Variants in USO1 observed in about 807,000 individuals in gnomAD.
The protein encoded by USO1 is USO1 vesicle transport factor, also known as general vesicular transport factor p115.
USO1 carries 57 observed loss-of-function variants against 124.5 expected under a neutral mutation model. That is an observed-to-expected ratio of 0.46 (90% CI 0.37 to 0.57). The LOEUF (loss-of-function observed/expected upper bound fraction) is 0.57. Ranked by LOEUF, USO1 falls within the 20% of genes least tolerant of loss-of-function variation. The probability of loss-of-function intolerance (pLI) is 0.00; values close to 1 mark genes in which losing one functional copy is unlikely to be tolerated. For synonymous variants in USO1, 369 were observed against 362.8 expected (o/e 1.02, Z -0.19); for missense variants, 900 against 1,040.6 (o/e 0.86, Z 1.86).
chr4:75,805,090 A>G (rs2149192912), intron 18 of USO1, 50 bp from the exon 19 acceptor site: 1 of 1,505,960 alleles, frequency 6.6e-7, no homozygotes, highest in Non-Finnish European at 8.9e-7. Context: ...TTCAAAAATG[A>G]AAAACTGAAG....
chr4:75,811,012 C>T (rs966485829), intron 22 of USO1, among the ~76,000 whole-genome samples: 6 of 152,144 alleles, frequency 3.9e-5, no homozygotes, highest in African/African-American at 1.4e-4. Flanking sequence ...GCTGGAATTA[C>T]AGGTGTGAGC....
Position 75,788,522 on chromosome 4 carries a change from A to ATTTTC in USO1, c.996+1345_996+1349dup, listed in dbSNP as rs1274358872. Among the ~76,000 whole-genome samples the ATTTTC allele has an allele frequency of 5.2e-4, 74 of 143,274 alleles. 2 individuals are homozygous for ATTTTC. The South Asian group carries it at 8.8e-3, about 17-fold the overall frequency. The allele number at this position is 143,274 out of a possible 152,430, so 94.0% of individuals were successfully genotyped here. ...TGGTTCATTAACTTTATTTTTCTTA[A>ATTTTC]TTTTCTTTTCTTTTCTTTTCTTTTC... On this transcript the variant is annotated intron_variant, in intron 10 of 23. Coordinates refer to ENST00000514213, the MANE Select transcript of USO1 (RefSeq NM_003715.4).
At chr4:75,806,197 G>T (rs1396862852) in intron 19 of USO1, among the ~76,000 whole-genome samples, 1 of 152,094 alleles carries the variant, frequency 6.6e-6, no homozygotes, top group Non-Finnish European at 1.5e-5. Context: ...TCACCGTGTT[G>T]CCCAAGCTGA....
intron 12 of USO1, among the ~76,000 whole-genome samples, chr4:75,791,018 G>A (rs1722513577): frequency 6.6e-6 from 1 of 152,072 alleles, no homozygotes; most frequent in Admixed American, 6.6e-5. Flanking sequence ...CACTTTTGCT[G>A]TATAACTTCT....
chr4:75,782,820 T>G lies in USO1; in HGVS notation c.817T>G (p.Ser273Ala). The G allele has an allele frequency of 5.6e-6, 9 of 1,607,464 alleles. No homozygotes were observed. Among genetic ancestry groups the G allele is most frequent in the Non-Finnish European group, 6.8e-6 (8 of 1,178,148 alleles). Residue 273 changes from serine to alanine, a missense_variant, in exon 9 of 24, where the codon TCT (serine) becomes GCT (alanine). Coordinates refer to ENST00000514213, the MANE Select transcript of USO1 (RefSeq NM_003715.4). ...FEVGDENSGW[S>A]AQKVTNLHLM... ...AGTTGGAGATGAAAATTCTGGCTGG[T>G]CTGCACAGAAAGTGACCAATCTACA...
intron 7 of USO1, among the ~76,000 whole-genome samples, chr4:75,771,724 C>T (rs1721938690): frequency 6.6e-6 from 1 of 152,174 alleles, no homozygotes; most frequent in African/African-American, 2.4e-5. Flanking sequence ...GCATGATTTG[C>T]TCTGGACTTA....
chr4:75,770,624 A>C, intron 5 of USO1, 85 bp downstream of exon 5: 1 of 1,489,010 alleles, frequency 6.7e-7, no homozygotes, highest in Non-Finnish European at 8.9e-7. Context: ...TAACATGTAT[A>C]TACCTTTAAA....
intron 1 of USO1, among the ~76,000 whole-genome samples, chr4:75,750,795 T>C (rs1268822280): frequency 1.3e-5 from 2 of 152,220 alleles, no homozygotes; most frequent in Non-Finnish European, 2.9e-5. Flanking sequence ...CATTTTTCTT[T>C]TATGAATGTG....
rs368089149 is a variant in USO1 at position 75,812,135 on chromosome 4, C to T, written c.2584-25C>T. On this transcript the variant is annotated intron_variant, in intron 22 of 23. Coordinates refer to ENST00000514213, the MANE Select transcript of USO1 (RefSeq NM_003715.4). ...GAAAGTGAGTGCTAATTTTAGATTC[C>T]TGCCTTTCACCTTTCTTTTCCTAGA... The T allele has an allele frequency of 2.4e-5, 38 of 1,571,596 alleles. No individual in the cohort carries two copies. The African/African-American group carries it at 4.9e-4, about 20-fold the overall frequency.
At chr4:75,813,128 A>T (rs1006033069) in intron 23 of USO1, 78 bp from the exon 24 acceptor site, 12 of 1,394,740 alleles carry the variant, frequency 8.6e-6, no homozygotes, top group East Asian at 5.5e-5. Context: ...AAAAAAAATT[A>T]TCAGTAGTAT....
rs1722474045 is a variant in USO1 at position 75,789,763 on chromosome 4, ATTAT to A, written c.997-384_997-381del. On this transcript the variant is annotated intron_variant, in intron 10 of 23. Transcript: ENST00000514213. The stretch of plus-strand genomic sequence containing the variant: ...AACTCTTTAAATTTGTTCTTTGATT[ATTAT>A]TTTAAAACCTTTTTCTGTTTTTATA... 2.6e-5 allele frequency among the ~76,000 whole-genome samples: 4 copies of A among 152,184 alleles called. No individual in the cohort carries two copies. The South Asian group carries it at 8.3e-4, about 32-fold the overall frequency.
chr4:75,806,637 A>G (rs1723005369), intron 20 of USO1, 65 bp downstream of exon 20: 4 of 1,511,566 alleles, frequency 2.6e-6, no homozygotes, highest in Non-Finnish European at 3.5e-6. Context: ...TAACAGCCCT[A>G]TAGTTTCACA....
At chr4:75,777,503 A>G (rs1306949997) in intron 8 of USO1, among the ~76,000 whole-genome samples, 1 of 152,180 alleles carries the variant, frequency 6.6e-6, no homozygotes, top group Non-Finnish European at 1.5e-5. Flanking sequence ...AAATAAGAAA[A>G]CAATAAGCCA....
intron 10 of USO1, 136 bp from the exon 11 acceptor site, chr4:75,790,014 A>G (rs974405541): frequency 3.1e-6 from 3 of 964,126 alleles, no homozygotes; most frequent in African/African-American, 3.3e-5. Flanking sequence ...AACCTGCACA[A>G]TGTGCACATG....
chr4:75,779,960 G>A (rs1053589684), intron 8 of USO1, among the ~76,000 whole-genome samples: 15 of 152,184 alleles, frequency 9.9e-5, no homozygotes, highest in Non-Finnish European at 1.9e-4. Flanking sequence ...CTAATGCACT[G>A]TTGACTTTAA....
In USO1 at chr4:75,771,103, T is replaced by A. The variant is rs1304005842; in HGVS notation, c.521T>A (p.Leu174Ter). The change falls in exon 7 of 24, where the codon TTA becomes TAA. Residue 174 changes from leucine (L) to a stop codon, truncating the protein, a stop_gained. Transcript: ENST00000514213. LOFTEE classifies it high-confidence loss of function. ...CTAGGTGTTTCAAGATTGATGGACT[T>A]ACTAGCGGATTCCAGGGAAGTTATA... ...SPMGVSRLMD[L>*]LADSREVIRN... The A allele has an allele frequency of 6.2e-7, 1 of 1,611,984 alleles. No homozygotes were observed. The highest frequency in any genetic ancestry group is 1.7e-4 in the Middle Eastern group (1 of 6,054).
intron 1 of USO1, among the ~76,000 whole-genome samples, chr4:75,730,552 T>G (rs934737023): frequency 3.3e-5 from 5 of 152,104 alleles, no homozygotes; most frequent in African/African-American, 1.2e-4. Flanking sequence ...GCCTTTTTCT[T>G]TATTTTCCTT....
chr4:75,774,283 G>A (rs1722012063), intron 7 of USO1, among the ~76,000 whole-genome samples: 1 of 152,156 alleles, frequency 6.6e-6, no homozygotes, highest in Admixed American at 6.5e-5. Context: ...TTATATTATT[G>A]AATTGCAAGT....
At chr4:75,784,046 GGTTCTTACTTA>G (rs1477450796) in intron 9 of USO1, among the ~76,000 whole-genome samples, 3 of 152,196 alleles carry the variant, frequency 2.0e-5, no homozygotes, top group African/African-American at 7.2e-5. Context: ...TTAAGAGACA[GGTTCTTACTTA>G]GTTGCCTAGG....
Sources: gnomAD v4.1 joint callset for allele counts (sites outside exome capture counted in the v4.1 genomes callset) on GRCh38, gnomAD v4.1.1 for gene constraint, MANE v1.5 for transcripts, NCBI Gene and HGNC (gene_info 2026-07-23, HGNC 2026-07-21) for gene names.